SCN3A: variants seen among roughly 807,000 people sequenced by gnomAD.
The protein encoded by SCN3A is sodium voltage-gated channel alpha subunit 3, also known as sodium channel protein type 3 subunit alpha.
SCN3A carries 60 observed loss-of-function variants against 187.6 expected under a neutral mutation model. The ratio of observed to expected loss-of-function variants is 0.32; its 90% CI spans 0.26 to 0.40. The LOEUF is 0.40. SCN3A is among the 10% of genes least tolerant of loss of function. SCN3A has a pLI of 1.00. For synonymous variants in SCN3A, 788 were observed against 829.2 expected (o/e 0.95, Z 0.85); for missense variants, 1,601 against 2,428.2 (o/e 0.66, Z 7.16).
At chr2:165,095,779 A>G in intron 24 of SCN3A, 131 bp from the exon 25 acceptor site, 1 of 539,228 alleles carries the variant, frequency 1.9e-6, no homozygotes, top group East Asian at 3.0e-5. Context: ...GTTCTACAAA[A>G]ACAATTTTTT....
chr2:165,104,753 T>C (rs1319547373), intron 21 of SCN3A, among the ~76,000 whole-genome samples: 1 of 152,070 alleles, frequency 6.6e-6, no homozygotes, highest in African/African-American at 2.4e-5. Flanking sequence ...TTCCTTAATA[T>C]AAAAAGAGCT....
intron 20 of SCN3A, 85 bp from the exon 21 acceptor site, chr2:165,113,143 C>A: frequency 2.1e-6 from 2 of 954,472 alleles, no homozygotes; most frequent in East Asian, 2.4e-5. Context: ...ATAGTGAGTA[C>A]AAAACAATAA....
intron 18 of SCN3A, among the ~76,000 whole-genome samples, chr2:165,122,002 G>A (rs1364703230): frequency 1.3e-5 from 2 of 151,984 alleles, no homozygotes; most frequent in African/African-American, 4.8e-5. Context: ...TAACAAATGG[G>A]TACACTAGGC....
At chr2:165,108,760 G>C (rs1400555401) in intron 21 of SCN3A, among the ~76,000 whole-genome samples, 2 of 152,090 alleles carry the variant, frequency 1.3e-5, no homozygotes, top group African/African-American at 2.4e-5. Flanking sequence ...GTAGTTATAG[G>C]ATGGTATAGT....
intron 11 of SCN3A, among the ~76,000 whole-genome samples, chr2:165,151,916 A>G (rs1395882942): frequency 6.6e-6 from 1 of 152,150 alleles, no homozygotes. Context: ...TTAAATGCGC[A>G]TTGGGTAGAG....
chr2:165,115,558 G>A lies in SCN3A; in HGVS notation c.3411C>T (p.Ser1137=). 3.1e-6 allele frequency: 5 copies of A among 1,613,326 alleles called. No homozygotes were observed. Among genetic ancestry groups the A allele is most frequent in the Non-Finnish European group, 4.2e-6 (5 of 1,179,638 alleles). ...CATCAACTGTGCTTCCTTCAGATGAGCTGGTTGCATTTAATTTCTGGAAAC... is the reference window on the plus strand; with the variant it reads ...CATCAACTGTGCTTCCTTCAGATGAACTGGTTGCATTTAATTTCTGGAAAC... ...EESKEKLNAT[S]SSEGSTVDVV... is the part of the protein sequence containing the mutation. Residue 1137 remains serine (S), a synonymous_variant, in exon 19 of 28, where the codon AGC becomes AGT. Coordinates refer to ENST00000283254, the MANE Select transcript of SCN3A (RefSeq NM_006922.4).
Position 165,182,824 on chromosome 2 carries a change from T to A in SCN3A, c.-51+3727A>T, listed in dbSNP as rs137927823. ...CGGGTAAAGTTGATTAAGAAGTTAC[T>A]GGATGAGTCTGGGCATGGTGGCTCA... On this transcript the variant is annotated intron_variant, in intron 2 of 27. Coordinates refer to ENST00000283254, the MANE Select transcript of SCN3A (RefSeq NM_006922.4). 5.4e-4 allele frequency among the ~76,000 whole-genome samples: 82 copies of A among 151,970 alleles called. 1 individual carries two copies. Among genetic ancestry groups the A allele is most frequent in the Non-Finnish European group, 1.1e-3 (73 of 67,900 alleles).
chr2:165,162,272 A>T (rs760434535), intron 9 of SCN3A, 36 bp downstream of exon 9: 3 of 1,547,526 alleles, frequency 1.9e-6, no homozygotes, highest in East Asian at 2.3e-5. Context: ...TTTCGCAAAG[A>T]GTTCTATATC....
chr2:165,202,689 CT>C (rs901068190), intron 1 of SCN3A, among the ~76,000 whole-genome samples: 6 of 152,028 alleles, frequency 3.9e-5, no homozygotes, highest in African/African-American at 1.4e-4. Flanking sequence ...TTTTGAAGCC[CT>C]TTTAGCCAGT....
chr2:165,129,352 T>C (rs573455677), intron 17 of SCN3A, among the ~76,000 whole-genome samples: 1 of 152,356 alleles, frequency 6.6e-6, no homozygotes, highest in African/African-American at 2.4e-5. Context: ...ACTGTAATAA[T>C]TGGTTTTCCT....
In SCN3A at chr2:165,170,492, G is replaced by C; in HGVS notation, c.321C>G (p.Ala107=). ...GGTTTAGTGGAGTTAAAATATACAA[G>C]GCAGAGGTGGCACTGAATCGGAAAA... ...KAIFRFSATS[A]LYILTPLNPV... Residue 107 remains alanine (A), a synonymous_variant, in exon 4 of 28, where the codon GCC becomes GCG. Coordinates refer to ENST00000283254, the MANE Select transcript of SCN3A (RefSeq NM_006922.4). 6.2e-7 allele frequency: 1 copy of C among 1,611,676 alleles called. No individual in the cohort carries two copies. Among genetic ancestry groups the C allele is most frequent in the South Asian group, 1.1e-5 (1 of 90,990 alleles).
chr2:165,184,291 A>G (rs1377368114), intron 2 of SCN3A, among the ~76,000 whole-genome samples: 3 of 152,138 alleles, frequency 2.0e-5, no homozygotes, highest in African/African-American at 7.2e-5. Flanking sequence ...TTGAATAACA[A>G]TAAACAAAAT....
intron 2 of SCN3A, among the ~76,000 whole-genome samples, chr2:165,178,320 G>A (rs922587781): frequency 3.9e-5 from 6 of 151,900 alleles, no homozygotes; most frequent in Admixed American, 2.6e-4. Context: ...TTGAACTCCC[G>A]GGCTCAGGTG....
chr2:165,107,438 T>C (rs2105688043), intron 21 of SCN3A, among the ~76,000 whole-genome samples: 2 of 152,202 alleles, frequency 1.3e-5, no homozygotes, highest in East Asian at 3.8e-4. Flanking sequence ...CACGGAAATA[T>C]ATCTAGAGAG....
At chr2:165,182,963 C>T (rs990450537) in intron 2 of SCN3A, among the ~76,000 whole-genome samples, 1 of 105,358 alleles carries the variant, frequency 9.5e-6, no homozygotes, top group Non-Finnish European at 1.8e-5. Flanking sequence ...AGCTGCAAAA[C>T]AAGACCTTGT....
rs1054148023 is a variant in SCN3A at position 165,087,921 on chromosome 2, C to T, written c.*2229G>A. 13 of 152,114 alleles carry T rather than the reference C, an allele frequency of 8.5e-5. No individual in the cohort carries two copies. Among genetic ancestry groups the T allele is most frequent in the African/African-American group, 2.7e-4 (11 of 41,424 alleles). 9.4% of individuals were successfully genotyped at this position (152,114 alleles called of 1,614,324 possible). ...AAACCTGAAAGTTGGAACATGTGAA[C>T]TTGATCCTTTGCACACATAAAAGTT... On this transcript the variant is annotated 3_prime_UTR_variant, in exon 28 of 28. Coordinates refer to ENST00000283254, the MANE Select transcript of SCN3A (RefSeq NM_006922.4).
chr2:165,189,148 A>G (rs1691437326), intron 1 of SCN3A, among the ~76,000 whole-genome samples: 1 of 152,224 alleles, frequency 6.6e-6, no homozygotes, highest in Non-Finnish European at 1.5e-5. Flanking sequence ...CACATTTCCT[A>G]AAAGTTGTAT....
Position 165,092,656 on chromosome 2 carries a change from G to A in SCN3A, c.4537-132C>T, listed in dbSNP as rs916249664. 1 of 823,576 alleles carries A rather than the reference G, an allele frequency of 1.2e-6. No homozygotes were observed. Among genetic ancestry groups the A allele is most frequent in the African/African-American group, 1.7e-5 (1 of 57,478 alleles). The allele number at this position is 823,576 out of a possible 1,614,324, so 51.0% of individuals were successfully genotyped here. A position where few individuals can be genotyped will look rare whatever the true frequency, so the allele number is the denominator to read the frequency against. The stretch of plus-strand genomic sequence containing the variant: ...TCCTCATATTACCCCAAACAATTTT[G>A]TGTGCTTTTTTTCTCTTCATGTTAA... On this transcript the variant is annotated intron_variant, in intron 26 of 27. Transcript: ENST00000283254. This position sits in a 1 kb window ranked among gnomAD's most constrained non-coding sequence, Gnocchi z 4.2.
chr2:165,166,248 T>C (rs1689749115), intron 5 of SCN3A, among the ~76,000 whole-genome samples: 2 of 152,142 alleles, frequency 1.3e-5, no homozygotes, highest in Non-Finnish European at 2.9e-5. Flanking sequence ...TTCATGGCTG[T>C]CCATGGAAGA....
Sources: gnomAD v4.1 joint callset for allele counts (sites outside exome capture counted in the v4.1 genomes callset) on GRCh38, gnomAD v4.1.1 for gene constraint, Gnocchi (gnomAD v3.1) non-coding constraint, MANE v1.5 for transcripts, NCBI Gene and HGNC (gene_info 2026-07-23, HGNC 2026-07-21) for gene names.